Variants in PHACTR2 observed in about 807,000 individuals in gnomAD.
PHACTR2 encodes the protein phosphatase and actin regulator 2, also known as chromosome 6 open reading frame 56.
Under a neutral mutation model 76.0 loss-of-function variants are expected in PHACTR2, and 30 were observed. That is an observed-to-expected ratio of 0.39 (90% CI 0.30 to 0.54). The LOEUF is 0.54. Among genes scored for constraint, PHACTR2 ranks in the 20% least tolerant of loss-of-function variants. The pLI is 0.61. For missense variants in PHACTR2, 696 were observed against 781.1 expected (o/e 0.89, Z 1.30); for synonymous variants, 292 against 292.5 (o/e 1.00, Z 0.02).
chr6:143,771,210 A>ATGTG (rs1554227206), intron 6 of PHACTR2, among the ~76,000 whole-genome samples: 1 of 79,196 alleles, frequency 1.3e-5, no homozygotes, highest in African/African-American at 6.8e-5. Context: ...ATATATATAT[A>ATGTG]TATATATATA....
chr6:143,805,724 A>G (rs1314316702), intron 11 of PHACTR2, among the ~76,000 whole-genome samples: 1 of 152,206 alleles, frequency 6.6e-6, no homozygotes, highest in Non-Finnish European at 1.5e-5. Context: ...AGTAGCAAGC[A>G]TTATTGTCAC....
At chr6:143,586,793 G>T (rs1775635673) in intron 1 of PHACTR2, among the ~76,000 whole-genome samples, 1 of 152,206 alleles carries the variant, frequency 6.6e-6, no homozygotes, top group Non-Finnish European at 1.5e-5. Flanking sequence ...ACCCTGGTGG[G>T]AGTGTCTAAT....
intron 1 of PHACTR2, among the ~76,000 whole-genome samples, chr6:143,651,368 C>T (rs886819131): frequency 6.6e-5 from 10 of 152,090 alleles, no homozygotes; most frequent in African/African-American, 2.4e-4. Flanking sequence ...GTAAACCATT[C>T]TGTTATAAAG....
Position 143,537,143 on chromosome 6 carries a change from A to T in PHACTR2, c.153A>T (p.Ser51=). Residue 51 remains serine (S), a synonymous_variant, in exon 1 of 12, where the codon TCA becomes TCT. Transcript: ENST00000367584. This position sits in a 1 kb window ranked among gnomAD's most constrained non-coding sequence, Gnocchi z 4.4. Reference sequence around the variant, plus strand: ...GGGACCCGAGCCCCCGCGGCCGCTCACAGAGCGACCTCTCGTCGTCCTCGA... The same window carrying T: ...GGGACCCGAGCCCCCGCGGCCGCTCTCAGAGCGACCTCTCGTCGTCCTCGA... The T allele has an allele frequency of 3.0e-6, 1 of 331,364 alleles. No homozygotes were observed. Among genetic ancestry groups the T allele is most frequent in the South Asian group, 3.3e-5 (1 of 29,884 alleles). The allele number at this position is 331,364 out of a possible 1,614,324, so 20.5% of individuals were successfully genotyped here.
chr6:143,692,482 G>A, intron 1 of PHACTR2, among the ~76,000 whole-genome samples: 1 of 152,120 alleles, frequency 6.6e-6, no homozygotes, highest in East Asian at 1.9e-4. Flanking sequence ...TCTGTCGCTT[G>A]GAAAGTACTT....
rs1332276761 is a variant in PHACTR2 at position 143,664,437 on chromosome 6, AT to A, written c.14-47576del. On this transcript the variant is annotated intron_variant, in intron 1 of 11. Transcript: ENST00000305766. This position sits in a 1 kb window ranked among gnomAD's most constrained non-coding sequence, Gnocchi z 5.1. ...AATTTGGACTTACATTGCCATCTTA[AT>A]TTGTGTCATCTTTTTAAGCATGCTC... Among the ~76,000 whole-genome samples the A allele has an allele frequency of 6.6e-6, 1 of 152,036 alleles. No homozygotes were observed.
At chr6:143,724,494 G>A (rs191794380) in intron 2 of PHACTR2, among the ~76,000 whole-genome samples, 1 of 151,954 alleles carries the variant, frequency 6.6e-6, no homozygotes, top group Non-Finnish European at 1.5e-5. Context: ...AGGATGATGC[G>A]ACCCAACTTC....
At chr6:143,588,278 A>T (rs945095338) in intron 1 of PHACTR2, among the ~76,000 whole-genome samples, 8 of 152,244 alleles carry the variant, frequency 5.3e-5, no homozygotes, top group African/African-American at 9.6e-5. Flanking sequence ...GTCTACAAGT[A>T]CTAAACATTA....
At chr6:143,727,075 A>T (rs561846498) in intron 2 of PHACTR2, among the ~76,000 whole-genome samples, 18 of 152,182 alleles carry the variant, frequency 1.2e-4, no homozygotes, top group African/African-American at 3.9e-4. Context: ...TGTACCCATT[A>T]ATCTGCCTCT....
intron 1 of PHACTR2, among the ~76,000 whole-genome samples, chr6:143,572,557 T>G (rs1775455867): frequency 6.6e-6 from 1 of 152,192 alleles, no homozygotes; most frequent in Non-Finnish European, 1.5e-5. Context: ...TCATTGTGGT[T>G]GTTGTTGTTT....
intron 1 of PHACTR2, among the ~76,000 whole-genome samples, chr6:143,588,621 A>C (rs1304510230): frequency 6.6e-6 from 1 of 152,236 alleles, no homozygotes; most frequent in African/African-American, 2.4e-5. Context: ...TAAATGTAAG[A>C]GTTCATGAAA....
chr6:143,643,457 A>C (rs1360112823), intron 1 of PHACTR2, among the ~76,000 whole-genome samples: 2 of 152,248 alleles, frequency 1.3e-5, no homozygotes, highest in African/African-American at 2.4e-5. Context: ...AGTAAATTTT[A>C]GTAACATTCC....
chr6:143,606,931 A>G (rs1483503175), upstream of PHACTR2, among the ~76,000 whole-genome samples: 1 of 152,248 alleles, frequency 6.6e-6, no homozygotes. Flanking sequence ...TTTCTGAACT[A>G]TCACTGACGT....
chr6:143,824,529 A>G lies in PHACTR2; in HGVS notation c.*840A>G, dbSNP rs1356001441. On this transcript the variant is annotated 3_prime_UTR_variant, in exon 13 of 13. Transcript: ENST00000440869. The surrounding 1 kb of genome is among the most constrained non-coding windows in gnomAD (Gnocchi z 6.3). Reference sequence around the variant, plus strand: ...AAAGTCAGATGTAATGTGACCCTAGAAAACTGTAGCAAGCTTCAGAAATAA... The same window carrying G: ...AAAGTCAGATGTAATGTGACCCTAGGAAACTGTAGCAAGCTTCAGAAATAA... 1.3e-5 allele frequency: 2 copies of G among 152,676 alleles called. No individual in the cohort carries two copies. Among genetic ancestry groups the G allele is most frequent in the Admixed American group, 6.5e-5 (1 of 15,282 alleles). 9.5% of individuals were successfully genotyped at this position (152,676 alleles called of 1,614,324 possible). A position where few individuals can be genotyped will look rare whatever the true frequency, so the allele number is the denominator to read the frequency against.
rs187697886 is a variant in PHACTR2, at chr6:143,823,936, G to A, written c.*247G>A. Reference sequence around the variant, plus strand: ...ATGCACAGCGATGGTAAGAGACACCGTGGATATTCTTCATCAGAAGCTTTA... The same window carrying A: ...ATGCACAGCGATGGTAAGAGACACCATGGATATTCTTCATCAGAAGCTTTA... On this transcript the variant is annotated 3_prime_UTR_variant, in exon 13 of 13. Coordinates refer to ENST00000440869, the MANE Select transcript of PHACTR2 (RefSeq NM_001100164.2). The surrounding 1 kb of genome is among the most constrained non-coding windows in gnomAD (Gnocchi z 5.7). 6.8e-5 allele frequency: 26 copies of A among 381,980 alleles called. No homozygotes were observed. Among genetic ancestry groups the A allele is most frequent in the African/African-American group, 2.5e-4 (12 of 48,942 alleles). 23.7% of individuals were successfully genotyped at this position (381,980 alleles called of 1,614,324 possible).
intron 2 of PHACTR2, among the ~76,000 whole-genome samples, chr6:143,744,446 CAT>C (rs1779010490): frequency 6.6e-6 from 1 of 152,174 alleles, no homozygotes; most frequent in Admixed American, 6.5e-5. Context: ...TATACTTACA[CAT>C]GTTAGGAGGT....
chr6:143,647,032 C>G lies in PHACTR2; in HGVS notation c.13+38710C>G, dbSNP rs1466374806. The stretch of plus-strand genomic sequence containing the variant: ...CTCTAAAGATTAAGTCTTCACCTTG[C>G]TGTCAGCAGTTACATTTTTTTCTAA... On this transcript the variant is annotated intron_variant, in intron 1 of 11. Coordinates refer to the PHACTR2 transcript ENST00000305766. This position sits in a 1 kb window ranked among gnomAD's most constrained non-coding sequence, Gnocchi z 4.2. 2.0e-5 allele frequency among the ~76,000 whole-genome samples: 3 copies of G among 152,306 alleles called. No homozygotes were observed. The highest frequency in any genetic ancestry group is 3.9e-4 in the East Asian group (2 of 5,180).
intron 1 of PHACTR2, among the ~76,000 whole-genome samples, chr6:143,567,962 C>A (rs1284872890): frequency 1.3e-5 from 2 of 152,196 alleles, no homozygotes; most frequent in Non-Finnish European, 2.9e-5. Context: ...CTGTCATGCC[C>A]TGGAGAGAAT....
chr6:143,585,014 T>A lies in PHACTR2; in HGVS notation c.217+47807T>A, dbSNP rs1775612078. Among the ~76,000 whole-genome samples, 2 of 150,298 alleles carry A rather than the reference T, an allele frequency of 1.3e-5. No individual in the cohort carries two copies. Among genetic ancestry groups the A allele is most frequent in the Admixed American group, 1.3e-4 (2 of 15,106 alleles). On this transcript the variant is annotated intron_variant, in intron 1 of 11. Coordinates refer to the PHACTR2 transcript ENST00000367584. The surrounding 1 kb of genome is among the most constrained non-coding windows in gnomAD (Gnocchi z 5.2). ...AAAAAAAAAGCTATAGGCTTGGCTG[T>A]CATACCTTCTATAGGCTTGGCTGTC... is the stretch of plus-strand genomic sequence containing the variant.
Sources: allele counts gnomAD v4.1 joint callset (sites outside exome capture counted in the v4.1 genomes callset), GRCh38; gene constraint gnomAD v4.1.1; non-coding constraint Gnocchi (gnomAD v3.1); transcripts MANE v1.5; gene names NCBI Gene and HGNC (gene_info 2026-07-23, HGNC 2026-07-21).